ENTPD5: variants seen among roughly 807,000 people sequenced by gnomAD.
ENTPD5 encodes ectonucleoside triphosphate diphosphohydrolase 5 (inactive), also known as nucleoside diphosphate phosphatase ENTPD5.
ENTPD5 carries 49 observed loss-of-function variants against 60.2 expected under a neutral mutation model. The observed-to-expected ratio is 0.81, with a 90% CI of 0.65 to 1.03. The LOEUF (loss-of-function observed/expected upper bound fraction) is 1.03. ENTPD5 is among the 50% of genes least tolerant of loss of function. The probability of loss-of-function intolerance (pLI) is 0.00; values close to 1 mark genes in which losing one functional copy is unlikely to be tolerated. For missense variants in ENTPD5, 480 were observed against 507.6 expected (o/e 0.95, Z 0.52); for synonymous variants, 187 against 185.4 (o/e 1.01, Z -0.07).
At chr14:74,011,357 A>G (rs1246076116) in intron 2 of ENTPD5, among the ~76,000 whole-genome samples, 3 of 152,018 alleles carry the variant, frequency 2.0e-5, no homozygotes, top group African/African-American at 7.2e-5. Context: ...TTCTCACTCA[A>G]ACTACAACCT....
rs552398738 is a variant in ENTPD5, at chr14:74,010,089, C to T, written c.-71+1002G>A. 7.9e-5 allele frequency among the ~76,000 whole-genome samples: 12 copies of T among 152,280 alleles called. No individual in the cohort carries two copies. The South Asian group carries it at 2.5e-3, about 32-fold the overall frequency. On this transcript the variant is annotated intron_variant, in intron 3 of 15. Coordinates refer to ENST00000334696, the MANE Select transcript of ENTPD5 (RefSeq NM_001249.5). ...ACAGGCGTAAGCCACCGCACCCAGC[C>T]GTGTTTTCAATTTTTTTATAGAGAA...
chr14:74,012,095 C>T (rs1359172582), intron 2 of ENTPD5, among the ~76,000 whole-genome samples: 1 of 151,946 alleles, frequency 6.6e-6, no homozygotes, highest in Admixed American at 6.6e-5. Context: ...CCAAAGTAAA[C>T]ATGTATTTTA....
Position 73,969,961 on chromosome 14 carries a change from AC to A in ENTPD5, c.1200+48del, listed in dbSNP as rs759475438. The A allele has an allele frequency of 5.4e-6, 7 of 1,297,880 alleles. No homozygotes were observed. In the Admixed American group the frequency reaches 1.0e-4, roughly 19 times the overall value. 80.4% of individuals were successfully genotyped at this position (1,297,880 alleles called of 1,614,324 possible). On this transcript the variant is annotated intron_variant, in intron 15 of 15. Transcript: ENST00000334696. Reference sequence around the variant, plus strand: ...CTGAACAAGCTCTTACTCCTTCTCAACCCCCACAAAAGAGGGCTGTTATGAG... The same window carrying A: ...CTGAACAAGCTCTTACTCCTTCTCAACCCCACAAAAGAGGGCTGTTATGAG...
At chr14:73,983,606 A>C (rs2057779169) in intron 5 of ENTPD5, among the ~76,000 whole-genome samples, 1 of 142,226 alleles carries the variant, frequency 7.0e-6, no homozygotes, top group Non-Finnish European at 1.5e-5. Flanking sequence ...CCTGCGCAAC[A>C]GAGTGACACT....
chr14:73,975,136 A>T, intron 10 of ENTPD5, 151 bp from the exon 11 acceptor site: 1 of 650,980 alleles, frequency 1.5e-6, no homozygotes, highest in East Asian at 2.7e-5. Flanking sequence ...GTGGTCAACA[A>T]GGGGTAATTT....
At chr14:74,008,848 T>C (rs2058759653) in intron 3 of ENTPD5, 2 of 152,182 alleles carry the variant, frequency 1.3e-5, no homozygotes, top group South Asian at 4.1e-4. Flanking sequence ...TCCTTTAAGG[T>C]CTAACCCTAA....
chr14:73,960,429 C>T (rs2140412301), downstream of ENTPD5: 1 of 988,284 alleles, frequency 1.0e-6, no homozygotes, highest in East Asian at 1.1e-4. Context: ...ACACTCAAAG[C>T]CTGCTACCTT....
intron 3 of ENTPD5, chr14:74,007,660 A>C (rs1372942627): frequency 6.6e-6 from 1 of 151,864 alleles, no homozygotes; most frequent in Non-Finnish European, 1.5e-5. Context: ...GGTTTATTTA[A>C]AAGTCAGCTT....
At chr14:74,007,421 C>T (rs1054021377) in intron 3 of ENTPD5, among the ~76,000 whole-genome samples, 7 of 151,610 alleles carry the variant, frequency 4.6e-5, no homozygotes, top group Admixed American at 1.3e-4. Flanking sequence ...CTCAGGAGGC[C>T]GTGGCAGAAG....
Position 73,986,877 on chromosome 14 carries a change from T to C in ENTPD5, c.234A>G (p.Leu78=), listed in dbSNP as rs2057923346. 2.5e-6 allele frequency: 4 copies of C among 1,613,876 alleles called. No individual in the cohort carries two copies. The highest frequency in any genetic ancestry group is 1.1e-5 in the South Asian group (1 of 91,082). The change falls in exon 5 of 16, where the codon CTA becomes CTG. Residue 78 remains leucine, a synonymous_variant. Coordinates refer to ENST00000334696, the MANE Select transcript of ENTPD5 (RefSeq NM_001249.5). The part of the protein sequence containing the change: ...VQKMPGQLPI[L]EGEVFDSVKP... Reference sequence around the variant, plus strand: ...TCACAGAATCAAAAACTTCCCCTTCTAGAATTGGAAGCTGTCCTATTTTGT... The same window carrying C: ...TCACAGAATCAAAAACTTCCCCTTCCAGAATTGGAAGCTGTCCTATTTTGT...
chr14:73,978,857 C>A (rs1227570671), intron 6 of ENTPD5, among the ~76,000 whole-genome samples: 1 of 151,676 alleles, frequency 6.6e-6, no homozygotes, highest in Non-Finnish European at 1.5e-5. Flanking sequence ...TTGCAGTGAA[C>A]AGAGATAGCG....
downstream of ENTPD5, chr14:73,960,198 T>C (rs2056648770): frequency 1.0e-6 from 1 of 988,582 alleles, no homozygotes; most frequent in Non-Finnish European, 1.2e-6. Context: ...AATTTCAGCA[T>C]GGGGCTTAAG....
At chr14:73,994,658 G>A (rs868721234) in intron 3 of ENTPD5, among the ~76,000 whole-genome samples, 10 of 151,384 alleles carry the variant, frequency 6.6e-5, no homozygotes, top group Non-Finnish European at 8.8e-5. Flanking sequence ...GCTTGAACCC[G>A]GGAGGCGGAG....
chr14:74,003,742 G>A (rs993671019), intron 3 of ENTPD5, among the ~76,000 whole-genome samples: 2 of 151,050 alleles, frequency 1.3e-5, no homozygotes, highest in East Asian at 1.9e-4. Flanking sequence ...ACAACCATAC[G>A]ATAAATCATC....
chr14:73,989,687 G>T (rs1045100903), intron 3 of ENTPD5, among the ~76,000 whole-genome samples: 1 of 152,102 alleles, frequency 6.6e-6, no homozygotes, highest in African/African-American at 2.4e-5. Flanking sequence ...ACAAAAATTA[G>T]CTGGGCATGA....
intron 2 of ENTPD5, among the ~76,000 whole-genome samples, chr14:74,012,251 C>T (rs1467447947): frequency 6.6e-6 from 1 of 151,712 alleles, no homozygotes; most frequent in East Asian, 2.0e-4. Context: ...ATTACACGTG[C>T]CCACCACCAT....
downstream of ENTPD5, chr14:73,958,654 C>T: frequency 7.7e-7 from 1 of 1,303,698 alleles, no homozygotes; most frequent in Non-Finnish European, 9.8e-7. Context: ...AACCCTACAT[C>T]AGAACTATTC....
At chr14:74,014,171 C>T (rs62005078) in intron 2 of ENTPD5, among the ~76,000 whole-genome samples, 12,553 of 152,150 alleles carry the variant, frequency 0.083, 627 homozygotes, top group South Asian at 0.17. Context: ...TAGTGGTGCA[C>T]GCCTGTAGTC....
At position 73,983,133 on chromosome 14, in the gene ENTPD5, T is replaced by TC; in HGVS notation, c.325dup (p.Glu109GlyfsTer39). On this transcript the variant is annotated frameshift_variant, in exon 6 of 16. Coordinates refer to ENST00000334696, the MANE Select transcript of ENTPD5 (RefSeq NM_001249.5). LOFTEE classifies it high-confidence loss of function. ...TCGGGGGATTGAGTCTTTGGCCACC[T>TC]CTAAGAGCCCTTGAACGGTCTCAGC... is the stretch of plus-strand genomic sequence containing the variant. 6.2e-7 allele frequency: 1 copy of TC among 1,614,074 alleles called. No homozygotes were observed. Among genetic ancestry groups the TC allele is most frequent in the Non-Finnish European group, 8.5e-7 (1 of 1,179,970 alleles).
Sources: gnomAD v4.1 joint callset for allele counts (sites outside exome capture counted in the v4.1 genomes callset) on GRCh38, gnomAD v4.1.1 for gene constraint, MANE v1.5 for transcripts, NCBI Gene and HGNC (gene_info 2026-07-23, HGNC 2026-07-21) for gene names.